STAM: variants seen among roughly 807,000 people sequenced by gnomAD.
STAM encodes signal transducing adaptor molecule.
Under a neutral mutation model 63.4 loss-of-function variants are expected in STAM, and 16 were observed. That is an observed-to-expected ratio of 0.25 (90% CI 0.17 to 0.38). STAM has a LOEUF of 0.38. Ranked by LOEUF, STAM falls within the 10% of genes least tolerant of loss-of-function variation. The pLI, the probability that STAM is intolerant of heterozygous loss-of-function variation, is 1.00. For missense variants in STAM, 636 were observed against 657.1 expected, an observed-to-expected ratio of 0.97 and a Z score of 0.35; for synonymous variants, 238 against 223.9, an observed-to-expected ratio of 1.06 and a Z score of -0.56.
chr10:17,667,181 C>T (rs1056325405), intron 2 of STAM, among the ~76,000 whole-genome samples: 5 of 150,746 alleles, frequency 3.3e-5, no homozygotes, highest in East Asian at 3.9e-4. Context: ...GGCTGGAGTG[C>T]GATGGTGCGA....
chr10:17,656,744 C>T (rs1833955936), intron 1 of STAM, among the ~76,000 whole-genome samples: 1 of 152,126 alleles, frequency 6.6e-6, no homozygotes, highest in Non-Finnish European at 1.5e-5. Context: ...CTTGCCTCCT[C>T]AGAAGAAAGA....
At chr10:17,689,788 A>G (rs1554826544) in intron 5 of STAM, among the ~76,000 whole-genome samples, 2 of 152,172 alleles carry the variant, frequency 1.3e-5, no homozygotes, top group African/African-American at 4.8e-5. Flanking sequence ...CACTGGCATT[A>G]CCTGGAGGCT....
intron 2 of STAM, among the ~76,000 whole-genome samples, chr10:17,681,107 A>T (rs183334656): frequency 2.4e-4 from 36 of 151,524 alleles, no homozygotes; most frequent in African/African-American, 8.7e-4. Flanking sequence ...AAGTGTTTCA[A>T]TTTCTCCACA....
chr10:17,697,463 A>G (rs1835811983), intron 8 of STAM, among the ~76,000 whole-genome samples: 1 of 152,204 alleles, frequency 6.6e-6, no homozygotes, highest in Non-Finnish European at 1.5e-5. Context: ...GATATTCAGA[A>G]GGAGCCATTT....
At chr10:17,710,497 C>T (rs922534642) in intron 13 of STAM, among the ~76,000 whole-genome samples, 9 of 152,200 alleles carry the variant, frequency 5.9e-5, no homozygotes, top group Non-Finnish European at 1.2e-4. Context: ...ATATTTAGCC[C>T]TCTCGTCCTG....
intron 1 of STAM, among the ~76,000 whole-genome samples, chr10:17,644,878 T>C (rs1439815097): frequency 2.6e-5 from 4 of 152,132 alleles, no homozygotes; most frequent in Non-Finnish European, 2.9e-5. Context: ...TGGTTAAGGG[T>C]AGACTCTCAA....
chr10:17,661,259 C>G (rs1554822855), intron 2 of STAM, among the ~76,000 whole-genome samples: 1 of 152,182 alleles, frequency 6.6e-6, no homozygotes, highest in African/African-American at 2.4e-5. Context: ...CTTTATGCCA[C>G]ACAAATGGTA....
intron 1 of STAM, among the ~76,000 whole-genome samples, chr10:17,646,554 G>GA (rs1833527268): frequency 6.6e-6 from 1 of 152,204 alleles, no homozygotes; most frequent in Non-Finnish European, 1.5e-5. Flanking sequence ...GTTGAGTTGA[G>GA]AATGTGTCAG....
chr10:17,676,045 T>A (rs971387223), intron 2 of STAM, among the ~76,000 whole-genome samples: 1 of 152,050 alleles, frequency 6.6e-6, no homozygotes, highest in Non-Finnish European at 1.5e-5. Context: ...AAAAAAAAAA[T>A]CTGTCCTTTG....
chr10:17,670,191 C>T lies in STAM; in HGVS notation c.125+9643C>T, dbSNP rs7096092. ...AGGCAATAGGGAATGGGATCCGATG[C>T]GAGCTGATTTTTCTATCTTTACTTG... On this transcript the variant is annotated intron_variant, in intron 2 of 13. Coordinates refer to ENST00000377524, the MANE Select transcript of STAM (RefSeq NM_003473.4). Among the ~76,000 whole-genome samples, 1,477 of 152,202 alleles carry T rather than the reference C, an allele frequency of 9.7e-3. 23 individuals carry two copies. Among genetic ancestry groups the T allele is most frequent in the African/African-American group, 0.032 (1,340 of 41,536 alleles).
At chr10:17,644,854 G>T (rs1333564914) in intron 1 of STAM, among the ~76,000 whole-genome samples, 1 of 152,192 alleles carries the variant, frequency 6.6e-6, no homozygotes, top group Non-Finnish European at 1.5e-5. Flanking sequence ...AACGGTAACT[G>T]AAGGAGGGAG....
intron 8 of STAM, among the ~76,000 whole-genome samples, chr10:17,699,792 T>G (rs1835912446): frequency 6.6e-6 from 1 of 152,072 alleles, no homozygotes; most frequent in Admixed American, 6.5e-5. Flanking sequence ...CCAAATGAGA[T>G]TTTTTCTTGA....
rs375611263 is a variant in STAM, at chr10:17,671,093, C to A, written c.125+10545C>A. On this transcript the variant is annotated intron_variant, in intron 2 of 13. Transcript: ENST00000377524. ...TCTTAATTTCTAAAAATATTTAGTT[C>A]ATTCAGCAAAGATTTGAGTTCCCAT... Among the ~76,000 whole-genome samples, 12 of 152,118 alleles carry A rather than the reference C, an allele frequency of 7.9e-5. 1 individual carries two copies. Among genetic ancestry groups the A allele is most frequent in the Admixed American group, 5.2e-4 (8 of 15,268 alleles).
At chr10:17,693,125 C>T in intron 5 of STAM, 97 bp from the exon 6 acceptor site, 1 of 958,660 alleles carries the variant, frequency 1.0e-6, no homozygotes. Context: ...GAAATCTGTG[C>T]TAGATTGATG....
chr10:17,654,388 A>G (rs1833858755), intron 1 of STAM, among the ~76,000 whole-genome samples: 1 of 151,774 alleles, frequency 6.6e-6, no homozygotes, highest in Non-Finnish European at 1.5e-5. Context: ...AAGCCTGGCT[A>G]ATTTTTTGTA....
In STAM at chr10:17,703,501, A is replaced by T. The variant is rs139154898; in HGVS notation, c.913-930A>T. Among the ~76,000 whole-genome samples, 714 of 152,282 alleles carry T rather than the reference A, an allele frequency of 4.7e-3. 3 individuals carry two copies. Among genetic ancestry groups the T allele is most frequent in the African/African-American group, 0.017 (686 of 41,570 alleles). On this transcript the variant is annotated intron_variant, in intron 9 of 13. Coordinates refer to ENST00000377524, the MANE Select transcript of STAM (RefSeq NM_003473.4). ...CGTACCTATATATAGTAGCATAACC[A>T]TGTAAAAACCATGCATGGAGAAAGG...
chr10:17,648,196 C>G (rs1554821125), intron 1 of STAM, among the ~76,000 whole-genome samples: 1 of 152,178 alleles, frequency 6.6e-6, no homozygotes, highest in African/African-American at 2.4e-5. Flanking sequence ...CAAGTGGGGA[C>G]TTGGAGAACT....
At chr10:17,705,409 C>T (rs1836215652) in intron 11 of STAM, among the ~76,000 whole-genome samples, 179 bp from the exon 12 acceptor site, 1 of 152,106 alleles carries the variant, frequency 6.6e-6, no homozygotes, top group Admixed American at 6.5e-5. Context: ...GCACGTAAAC[C>T]TTAAACAGTT....
intron 2 of STAM, among the ~76,000 whole-genome samples, chr10:17,660,763 TAAA>T (rs1554822810): frequency 2.0e-5 from 3 of 152,082 alleles, no homozygotes; most frequent in South Asian, 2.1e-4. Flanking sequence ...CCCCGTCTCT[TAAA>T]AAAGAAGGAT....
Sources: gnomAD v4.1 joint callset for allele counts (sites outside exome capture counted in the v4.1 genomes callset) on GRCh38, gnomAD v4.1.1 for gene constraint, MANE v1.5 for transcripts, NCBI Gene and HGNC (gene_info 2026-07-23, HGNC 2026-07-21) for gene names.